Variants in CDH22 observed in about 807,000 individuals in gnomAD.
CDH22 encodes the protein cadherin 22.
In CDH22, 30 loss-of-function variants were observed where a neutral mutation model predicts 58.4. The ratio of observed to expected loss-of-function variants is 0.51; its 90% CI spans 0.38 to 0.70. The LOEUF (loss-of-function observed/expected upper bound fraction) is 0.70, where lower values mean the gene tolerates loss of function less well. Among genes scored for constraint, CDH22 ranks in the 30% least tolerant of loss-of-function variants. The probability of loss-of-function intolerance (pLI) is 0.00; values close to 1 mark genes in which losing one functional copy is unlikely to be tolerated. For missense variants in CDH22, 1,014 were observed against 1,233.9 expected, an observed-to-expected ratio of 0.82 and a Z score of 2.67; for synonymous variants, 513 against 558.2, an observed-to-expected ratio of 0.92 and a Z score of 1.14.
chr20:46,233,300 G>A (rs888942501), intron 3 of CDH22, among the ~76,000 whole-genome samples: 2 of 152,080 alleles, frequency 1.3e-5, no homozygotes, highest in African/African-American at 2.4e-5. Context: ...CCATCCAGGC[G>A]ACCCCTGACT....
At chr20:46,190,421 G>A (rs1411076669) in intron 8 of CDH22, among the ~76,000 whole-genome samples, 1 of 152,150 alleles carries the variant, frequency 6.6e-6, no homozygotes, top group Non-Finnish European at 1.5e-5. Flanking sequence ...CCTGCTGCCT[G>A]GTCATTTGTC....
chr20:46,285,605 T>C (rs2086572941), intron 1 of CDH22, among the ~76,000 whole-genome samples: 1 of 152,212 alleles, frequency 6.6e-6, no homozygotes, highest in African/African-American at 2.4e-5. Flanking sequence ...GAAACTGCCC[T>C]GCGGTCATCT....
chr20:46,256,240 C>T (rs983677394), intron 1 of CDH22, among the ~76,000 whole-genome samples: 1 of 152,144 alleles, frequency 6.6e-6, no homozygotes, highest in Non-Finnish European at 1.5e-5. Context: ...AAACAAATAA[C>T]GTGTCAGACA....
intron 4 of CDH22, 143 bp from the exon 5 acceptor site, chr20:46,217,136 C>G: frequency 2.9e-6 from 2 of 699,266 alleles, no homozygotes; most frequent in Non-Finnish European, 4.7e-6. Flanking sequence ...AGGACATCCA[C>G]GTGTCCACCA....
intron 1 of CDH22, among the ~76,000 whole-genome samples, chr20:46,264,064 G>A (rs2086446927): frequency 6.6e-6 from 1 of 152,088 alleles, no homozygotes; most frequent in African/African-American, 2.4e-5. Context: ...GACGAGGGAG[G>A]GAGAGACATC....
At chr20:46,177,872 C>T (rs1175506871) in intron 11 of CDH22, 74 bp downstream of exon 11, 4 of 1,559,914 alleles carry the variant, frequency 2.6e-6, no homozygotes, top group South Asian at 1.2e-5. Flanking sequence ...CCCATGGGGG[C>T]TGGTTAGGAA....
intron 3 of CDH22, among the ~76,000 whole-genome samples, chr20:46,233,190 G>A (rs993108490): frequency 2.6e-5 from 4 of 152,044 alleles, no homozygotes; most frequent in African/African-American, 7.2e-5. Context: ...TGGGGTGAGG[G>A]GCCTGCTGCA....
intron 1 of CDH22, among the ~76,000 whole-genome samples, chr20:46,288,309 C>T (rs192944611): frequency 3.7e-4 from 57 of 152,288 alleles, no homozygotes; most frequent in African/African-American, 3.6e-4. Context: ...TCTCCCAGCA[C>T]CCTGTACCTC....
chr20:46,302,671 C>CT (rs1481980193), intron 1 of CDH22, among the ~76,000 whole-genome samples: 2 of 152,136 alleles, frequency 1.3e-5, no homozygotes, highest in Non-Finnish European at 2.9e-5. Context: ...CCTCAAAACT[C>CT]TATTTCCAGC....
chr20:46,301,957 A>G (rs1181207798), intron 1 of CDH22, among the ~76,000 whole-genome samples: 1 of 152,210 alleles, frequency 6.6e-6, no homozygotes, highest in East Asian at 1.9e-4. Context: ...GGTCCCCACC[A>G]GCGGGTGCAT....
At position 46,229,298 on chromosome 20, in the gene CDH22, C is replaced by G. The variant is rs536336871; in HGVS notation, c.551-1671G>C. The stretch of plus-strand genomic sequence containing the variant: ...TCGGAGATGCAGAGTGGCCCCCCCC[C>G]CCAATTTTACAGCTGAGGAATCAAG... On this transcript the variant is annotated intron_variant, in intron 3 of 11. Transcript: ENST00000537909. 6.3e-4 allele frequency among the ~76,000 whole-genome samples: 93 copies of G among 147,658 alleles called. 1 individual carries two copies. The highest frequency in any genetic ancestry group is 1.2e-3 in the Non-Finnish European group (79 of 66,576).
intron 7 of CDH22, among the ~76,000 whole-genome samples, chr20:46,202,931 C>T (rs548688394): frequency 1.3e-4 from 20 of 152,326 alleles, no homozygotes; most frequent in African/African-American, 4.3e-4. Flanking sequence ...GGCGAGAGGC[C>T]GGGCTGATGG....
At chr20:46,268,866 A>G (rs1181175697) in intron 1 of CDH22, among the ~76,000 whole-genome samples, 1 of 152,198 alleles carries the variant, frequency 6.6e-6, no homozygotes, top group Non-Finnish European at 1.5e-5. Flanking sequence ...CAAGGTCACA[A>G]CCAAGGAAGC....
At chr20:46,293,609 A>T (rs2086615280) in intron 1 of CDH22, among the ~76,000 whole-genome samples, 1 of 152,078 alleles carries the variant, frequency 6.6e-6, no homozygotes, top group African/African-American at 2.4e-5. Context: ...TATTCCACGA[A>T]GTCCTCTGAC....
intron 10 of CDH22, among the ~76,000 whole-genome samples, chr20:46,182,938 T>A (rs966556725): frequency 2.6e-5 from 4 of 152,166 alleles, no homozygotes; most frequent in African/African-American, 7.2e-5. Context: ...ACGGCTGCTG[T>A]GACCTCAGCG....
intron 8 of CDH22, among the ~76,000 whole-genome samples, chr20:46,199,173 C>T (rs2085933806): frequency 6.6e-6 from 1 of 152,204 alleles, no homozygotes; most frequent in Non-Finnish European, 1.5e-5. Context: ...TTGGAACCAG[C>T]CCTACTCCCT....
intron 1 of CDH22, among the ~76,000 whole-genome samples, chr20:46,292,912 C>G (rs2145778252): frequency 7.3e-6 from 1 of 137,088 alleles, no homozygotes; most frequent in Admixed American, 7.6e-5. Flanking sequence ...GCACCAGCCA[C>G]TGGTTGTGTG....
chr20:46,240,280 T>C (rs2145725463), intron 3 of CDH22, among the ~76,000 whole-genome samples: 1 of 152,242 alleles, frequency 6.6e-6, no homozygotes, highest in South Asian at 2.1e-4. Flanking sequence ...GCTGAGTCTG[T>C]GCAGAAGCAC....
intron 3 of CDH22, 59 bp from the exon 4 acceptor site, chr20:46,227,686 C>A (rs553033753): frequency 1.3e-6 from 2 of 1,545,824 alleles, no homozygotes; most frequent in East Asian, 2.4e-5. Flanking sequence ...CTCGTTCCCC[C>A]ACTTCGCCTC....
Sources: gnomAD v4.1 joint callset for allele counts (sites outside exome capture counted in the v4.1 genomes callset) on GRCh38, gnomAD v4.1.1 for gene constraint, MANE v1.5 for transcripts, NCBI Gene and HGNC (gene_info 2026-07-23, HGNC 2026-07-21) for gene names.